CABIN1: variants seen among roughly 807,000 people sequenced by gnomAD.
CABIN1 encodes calcineurin-binding protein cabin-1.
CABIN1 carries 133 observed loss-of-function variants against 227.7 expected under a neutral mutation model. The observed-to-expected ratio is 0.58, with a 90% confidence interval of 0.51 to 0.67. CABIN1 has a LOEUF of 0.67. Ranked by LOEUF, CABIN1 falls within the 30% of genes least tolerant of loss-of-function variation. The pLI is 0.00. For missense variants in CABIN1, 2,408 were observed against 2,852.5 expected, an observed-to-expected ratio of 0.84 and a Z score of 3.55; for synonymous variants, 1,086 against 1,155.1, an observed-to-expected ratio of 0.94 and a Z score of 1.21.
At chr22:24,133,350 G>C (rs934591512) in intron 28 of CABIN1, among the ~76,000 whole-genome samples, 1 of 152,250 alleles carries the variant, frequency 6.6e-6, no homozygotes. Context: ...GGTTCAGTAT[G>C]CTCAGCCTGG....
At chr22:24,076,349 G>A in intron 19 of CABIN1, 65 bp downstream of exon 19, 1 of 1,329,536 alleles carries the variant, frequency 7.5e-7, no homozygotes, top group South Asian at 1.2e-5. Flanking sequence ...GAGGTGGAAT[G>A]GGAAGGGGAC....
chr22:24,138,627 A>G (rs1193031589), intron 29 of CABIN1, among the ~76,000 whole-genome samples: 2 of 152,172 alleles, frequency 1.3e-5, no homozygotes, highest in Admixed American at 1.3e-4. Flanking sequence ...AGTTTATTAT[A>G]AGGGATGTTA....
chr22:24,117,074 A>G lies in CABIN1; in HGVS notation c.4301-2293A>G, dbSNP rs567475681. On this transcript the variant is annotated intron_variant, in intron 27 of 36. Coordinates refer to ENST00000263119, the MANE Select transcript of CABIN1 (RefSeq NM_012295.4). The stretch of plus-strand genomic sequence containing the variant: ...ATTTCTGACCCTCTTTCTTCCAGTA[A>G]GGAAATGGAGGGCTCTAGTGACCTG... Among the ~76,000 whole-genome samples the G allele has an allele frequency of 7.2e-5, 11 of 152,284 alleles. No homozygotes were observed. In the South Asian group the frequency reaches 2.3e-3, roughly 32 times the overall value.
Position 24,165,586 on chromosome 22 carries a change from CTG to C in CABIN1, c.4970_4971del (p.Val1657GlufsTer40). The C allele has an allele frequency of 5.0e-6, 8 of 1,613,242 alleles. No individual in the cohort carries two copies. Among genetic ancestry groups the C allele is most frequent in the Non-Finnish European group, 6.8e-6 (8 of 1,179,984 alleles). On this transcript the variant is annotated frameshift_variant, in exon 31 of 37. Coordinates refer to ENST00000263119, the MANE Select transcript of CABIN1 (RefSeq NM_012295.4). LOFTEE classifies it high-confidence loss of function. ...CTGGCGCAGCGGGCCTTCATCCTCA[CTG>C]TGAAGGTGCTCGAAGACACGCTGAG...
chr22:24,081,159 G>GT (rs1486990800), intron 19 of CABIN1, among the ~76,000 whole-genome samples: 1 of 152,186 alleles, frequency 6.6e-6, no homozygotes, highest in East Asian at 1.9e-4. Flanking sequence ...TTAAAAAATA[G>GT]TTTTTTTCTG....
At chr22:24,091,258 C>T (rs1247396353) in intron 23 of CABIN1, among the ~76,000 whole-genome samples, 1 of 152,186 alleles carries the variant, frequency 6.6e-6, no homozygotes, top group African/African-American at 2.4e-5. Flanking sequence ...AGTAAATGTC[C>T]TCTCCAGTGC....
At chr22:24,133,719 C>T (rs2044217354) in intron 28 of CABIN1, among the ~76,000 whole-genome samples, 1 of 152,296 alleles carries the variant, frequency 6.6e-6, no homozygotes, top group South Asian at 2.1e-4. Flanking sequence ...GGTGGGAAGG[C>T]CTGCTCTATG....
intron 16 of CABIN1, 90 bp downstream of exon 16, chr22:24,067,271 A>G (rs1197241888): frequency 8.4e-6 from 11 of 1,311,778 alleles, no homozygotes; most frequent in Non-Finnish European, 8.7e-6. Context: ...GGTAGTTCTT[A>G]AGAATGTATA....
chr22:24,031,860 T>C (rs1214419743), intron 1 of CABIN1, among the ~76,000 whole-genome samples: 3 of 152,356 alleles, frequency 2.0e-5, no homozygotes, highest in South Asian at 4.1e-4. Flanking sequence ...GCCTTGAGGA[T>C]GACCAGAGCC....
chr22:24,119,253 T>C lies in CABIN1; in HGVS notation c.4301-114T>C, dbSNP rs1674223314. On this transcript the variant is annotated intron_variant, in intron 27 of 36. Transcript: ENST00000263119. ...GTCCAGCATCCACTCAGCAAGGGCA[T>C]TGATCCAGCCGTGCTGATCACTTCA... 4.4e-6 allele frequency: 4 copies of C among 916,534 alleles called. No homozygotes were observed. In the South Asian group the frequency reaches 5.4e-5, roughly 12 times the overall value. 56.8% of individuals were successfully genotyped at this position (916,534 alleles called of 1,614,324 possible).
At chr22:24,092,587 G>A (rs2147243890) in intron 24 of CABIN1, among the ~76,000 whole-genome samples, 1 of 152,202 alleles carries the variant, frequency 6.6e-6, no homozygotes. Context: ...TATGTGCCCA[G>A]TCTCTACCAG....
rs767289015 is a variant in CABIN1, at chr22:24,084,581, G to A, written c.2913G>A (p.Val971=). The A allele has an allele frequency of 5.0e-6, 8 of 1,613,170 alleles. No homozygotes were observed. In the African/African-American group the frequency reaches 5.3e-5, roughly 11 times the overall value. ...CTGCCTTCTGTCTTTTTTTCAAGGT[G>A]GATCTTATATGGGAGGATGCACTGT... ...RYLEEHSAQQ[V]DLIWEDALFM... The change falls in exon 21 of 37, where the codon GTG becomes GTA. Residue 971 remains valine, a splice_region_variant and synonymous_variant. Coordinates refer to ENST00000263119, the MANE Select transcript of CABIN1 (RefSeq NM_012295.4).
chr22:24,125,476 C>G (rs2043664094), intron 28 of CABIN1, among the ~76,000 whole-genome samples: 1 of 152,194 alleles, frequency 6.6e-6, no homozygotes, highest in African/African-American at 2.4e-5. Flanking sequence ...CTGAAGTGGG[C>G]CCTGCACCAT....
Position 24,043,090 on chromosome 22 carries a change from T to C in CABIN1, c.526+6T>C. The C allele has an allele frequency of 6.2e-7, 1 of 1,613,370 alleles. No individual in the cohort carries two copies. The highest frequency in any genetic ancestry group is 8.5e-7 in the Non-Finnish European group (1 of 1,179,534). On this transcript the variant is annotated splice_donor_region_variant and intron_variant, in intron 6 of 36. Transcript: ENST00000263119. Reference sequence around the variant, plus strand: ...CACCCTCAGTGATTACACAAGTGAGTCATGCTTTGATGCTTTCTTCCATGT... The same window carrying C: ...CACCCTCAGTGATTACACAAGTGAGCCATGCTTTGATGCTTTCTTCCATGT...
intron 29 of CABIN1, among the ~76,000 whole-genome samples, chr22:24,146,392 T>C (rs2045119265): frequency 6.6e-6 from 1 of 152,232 alleles, no homozygotes; most frequent in African/African-American, 2.4e-5. Context: ...GCAAGCTTTG[T>C]GGAACTTCAC....
chr22:24,103,263 C>G (rs912425068), intron 26 of CABIN1: 5 of 152,118 alleles, frequency 3.3e-5, no homozygotes, highest in Admixed American at 1.3e-4. Context: ...TCTCCACTGC[C>G]CCCCTGCCTG....
chr22:24,178,432 T>A lies in CABIN1; in HGVS notation c.*236T>A, dbSNP rs1316288796. 5.3e-6 allele frequency: 3 copies of A among 565,938 alleles called. No individual in the cohort carries two copies. Among genetic ancestry groups the A allele is most frequent in the Non-Finnish European group, 9.5e-6 (3 of 315,896 alleles). 35.1% of individuals were successfully genotyped at this position (565,938 alleles called of 1,614,324 possible). On this transcript the variant is annotated 3_prime_UTR_variant, in exon 37 of 37. Coordinates refer to ENST00000263119, the MANE Select transcript of CABIN1 (RefSeq NM_012295.4). ...CCTTAGCCATGTGAAGGTGGATTGG[T>A]CGCCATCTGCACGCCAGGCGGCATC...
chr22:24,029,760 G>A (rs1279775873), intron 1 of CABIN1, among the ~76,000 whole-genome samples: 1 of 152,218 alleles, frequency 6.6e-6, no homozygotes, highest in Non-Finnish European at 1.5e-5. Context: ...TGGACCTAAT[G>A]TATGTGATGA....
intron 19 of CABIN1, among the ~76,000 whole-genome samples, chr22:24,079,194 C>A (rs550042990): frequency 1.3e-5 from 2 of 152,318 alleles, no homozygotes; most frequent in East Asian, 1.9e-4. Flanking sequence ...CGCATGTCCA[C>A]TCCCCCACCT....
Sources: allele counts gnomAD v4.1 joint callset (sites outside exome capture counted in the v4.1 genomes callset), GRCh38; gene constraint gnomAD v4.1.1; transcripts MANE v1.5; gene names NCBI Gene and HGNC (gene_info 2026-07-23, HGNC 2026-07-21).